The following EXOC6B variants were observed in gnomAD, a reference collection of about 807,000 sequenced individuals.
EXOC6B encodes SEC15 homolog B.
EXOC6B carries 54 observed loss-of-function variants against 113.5 expected under a neutral mutation model. That is an observed-to-expected ratio of 0.48 (90% CI 0.38 to 0.60). EXOC6B has a LOEUF of 0.60. Among genes scored for constraint, EXOC6B ranks in the 20% least tolerant of loss-of-function variants. EXOC6B has a pLI of 0.00. For synonymous variants in EXOC6B, 357 were observed against 339.0 expected (o/e 1.05, Z -0.58); for missense variants, 797 against 977.5 (o/e 0.82, Z 2.46).
intron 1 of EXOC6B, among the ~76,000 whole-genome samples, chr2:72,765,635 T>G (rs1683013465): frequency 6.6e-6 from 1 of 151,958 alleles, no homozygotes; most frequent in Non-Finnish European, 1.5e-5. Context: ...ATTGCGCCAT[T>G]GCACTCCAGC....
chr2:72,314,491 G>A (rs1687391367), intron 20 of EXOC6B, among the ~76,000 whole-genome samples: 2 of 152,118 alleles, frequency 1.3e-5, no homozygotes, highest in Admixed American at 1.3e-4. Flanking sequence ...AGAGACTTTG[G>A]CACCTGGCTC....
chr2:72,496,051 TAACTC>T (rs1323356751), intron 14 of EXOC6B, among the ~76,000 whole-genome samples: 2 of 152,188 alleles, frequency 1.3e-5, no homozygotes, highest in African/African-American at 2.4e-5. Context: ...AATGGATACA[TAACTC>T]AATACATTGT....
chr2:72,365,301 GA>G (rs1229066562), intron 19 of EXOC6B, among the ~76,000 whole-genome samples: 28 of 151,764 alleles, frequency 1.8e-4, no homozygotes, highest in Non-Finnish European at 2.2e-4. Flanking sequence ...TACTGGTTAT[GA>G]TAAACTAATA....
intron 7 of EXOC6B, among the ~76,000 whole-genome samples, chr2:72,561,251 C>T (rs1224796020): frequency 1.3e-5 from 2 of 151,864 alleles, no homozygotes; most frequent in African/African-American, 2.4e-5. Flanking sequence ...AAACATCAAA[C>T]ATGATATTCA....
At chr2:72,183,230 G>A (rs1678205228) in intron 21 of EXOC6B, among the ~76,000 whole-genome samples, 1 of 152,180 alleles carries the variant, frequency 6.6e-6, no homozygotes, top group Non-Finnish European at 1.5e-5. Context: ...CTGCCTAGAT[G>A]CAGGGCATTC....
intron 20 of EXOC6B, among the ~76,000 whole-genome samples, chr2:72,220,135 TG>T (rs1170779434): frequency 1.3e-5 from 2 of 152,238 alleles, no homozygotes; most frequent in African/African-American, 4.8e-5. Flanking sequence ...AAGCTTTTAA[TG>T]TTAAGGCTCC....
chr2:72,508,344 A>G (rs1700719627), intron 11 of EXOC6B, among the ~76,000 whole-genome samples: 1 of 152,280 alleles, frequency 6.6e-6, no homozygotes, highest in East Asian at 1.9e-4. Context: ...ACCAAATTAT[A>G]TCTCAATTTT....
intron 8 of EXOC6B, among the ~76,000 whole-genome samples, chr2:72,525,710 G>T (rs1416049323): frequency 6.6e-6 from 1 of 151,986 alleles, no homozygotes; most frequent in Non-Finnish European, 1.5e-5. Flanking sequence ...CAAATAAGGT[G>T]CAAGTTATTT....
intron 6 of EXOC6B, among the ~76,000 whole-genome samples, chr2:72,587,602 T>A (rs1407120930): frequency 6.6e-6 from 1 of 152,192 alleles, no homozygotes; most frequent in Non-Finnish European, 1.5e-5. Context: ...GATAATAATA[T>A]GTTAGGGCCA....
At chr2:72,223,117 C>G (rs1019782632) in intron 20 of EXOC6B, among the ~76,000 whole-genome samples, 20 of 152,238 alleles carry the variant, frequency 1.3e-4, no homozygotes, top group Admixed American at 9.8e-4. Flanking sequence ...TCACCAGGCT[C>G]TGCTCTAATT....
intron 20 of EXOC6B, among the ~76,000 whole-genome samples, chr2:72,201,571 C>T (rs146644859): frequency 1.0e-3 from 157 of 152,284 alleles, no homozygotes; most frequent in Non-Finnish European, 1.8e-3. Context: ...ATTCATCTCT[C>T]CTTGGAAGAG....
At chr2:72,753,445 C>T (rs2104865316) in intron 1 of EXOC6B, among the ~76,000 whole-genome samples, 1 of 152,176 alleles carries the variant, frequency 6.6e-6, no homozygotes, top group East Asian at 1.9e-4. Context: ...AATAATGGCT[C>T]TTCTATGCTC....
chr2:72,626,787 A>C (rs1268939022), intron 6 of EXOC6B, among the ~76,000 whole-genome samples: 1 of 152,042 alleles, frequency 6.6e-6, no homozygotes, highest in African/African-American at 2.4e-5. Flanking sequence ...CTATGCCAGA[A>C]TCTACTTAAA....
At chr2:72,586,955 T>C (rs564690376) in intron 6 of EXOC6B, among the ~76,000 whole-genome samples, 1 of 152,224 alleles carries the variant, frequency 6.6e-6, no homozygotes, top group East Asian at 1.9e-4. Context: ...TGCTTATACA[T>C]TGTTGGTGGG....
intron 6 of EXOC6B, among the ~76,000 whole-genome samples, chr2:72,631,185 A>G (rs940910605): frequency 3.6e-4 from 29 of 80,926 alleles, no homozygotes; most frequent in Non-Finnish European, 8.4e-4. Flanking sequence ...GATGTATGCA[A>G]GTGTGCATAT....
intron 17 of EXOC6B, among the ~76,000 whole-genome samples, chr2:72,466,468 T>C (rs1698065538): frequency 6.6e-6 from 1 of 152,116 alleles, no homozygotes; most frequent in Non-Finnish European, 1.5e-5. Context: ...AGATCTTAAA[T>C]TCCATTCTTT....
chr2:72,383,954 A>C (rs560262670), intron 18 of EXOC6B, among the ~76,000 whole-genome samples: 30 of 152,252 alleles, frequency 2.0e-4, no homozygotes, highest in African/African-American at 6.7e-4. Flanking sequence ...TAAAAAGAAC[A>C]CATGGTCACA....
intron 18 of EXOC6B, among the ~76,000 whole-genome samples, chr2:72,458,009 T>C (rs1697352770): frequency 6.6e-6 from 1 of 152,108 alleles, no homozygotes; most frequent in Non-Finnish European, 1.5e-5. Context: ...CCGTTGGCTA[T>C]GTTGCTGCTG....
intron 19 of EXOC6B, among the ~76,000 whole-genome samples, chr2:72,335,823 G>A (rs1367606227): frequency 6.6e-6 from 1 of 152,040 alleles, no homozygotes; most frequent in East Asian, 1.9e-4. Context: ...AGCCTGAAGA[G>A]ATTACATGAA....
Sources: gnomAD v4.1 joint callset for allele counts (sites outside exome capture counted in the v4.1 genomes callset) on GRCh38, gnomAD v4.1.1 for gene constraint, MANE v1.5 for transcripts, NCBI Gene and HGNC (gene_info 2026-07-23, HGNC 2026-07-21) for gene names.